The following GSE1 variants were observed in gnomAD, a reference collection of about 807,000 sequenced individuals.
GSE1 encodes Gse1 coiled-coil protein.
Under a neutral mutation model 112.6 loss-of-function variants are expected in GSE1, and 32 were observed. That is an observed-to-expected ratio of 0.28 (90% CI 0.21 to 0.38). The LOEUF (loss-of-function observed/expected upper bound fraction) is 0.38, where lower values mean the gene tolerates loss of function less well. Among genes scored for constraint, GSE1 ranks in the 10% least tolerant of loss-of-function variants. The pLI is 1.00. For missense variants in GSE1, 2,348 were observed against 1,699.2 expected (o/e 1.38, Z -6.71); for synonymous variants, 1,115 against 735.6 (o/e 1.52, Z -8.35).
intron 1 of GSE1, among the ~76,000 whole-genome samples, chr16:85,276,710 C>T (rs369755141): frequency 3.4e-4 from 51 of 152,168 alleles, no homozygotes; most frequent in African/African-American, 1.2e-3. Flanking sequence ...TCAGCGTGGG[C>T]CAGGGCAGGG....
intron 2 of GSE1, among the ~76,000 whole-genome samples, chr16:85,639,203 G>A (rs181325848): frequency 1.1e-3 from 164 of 152,308 alleles, no homozygotes; most frequent in Middle Eastern, 3.4e-3. Flanking sequence ...CCCCGGGGCC[G>A]CCCAGCCCTC....
chr16:85,648,453 A>C (rs1044007408), intron 2 of GSE1, 99 bp from the exon 3 acceptor site: 14 of 642,748 alleles, frequency 2.2e-5, no homozygotes, highest in African/African-American at 1.1e-4. Flanking sequence ...CTGGGGCCTC[A>C]CTTGGAGCAG....
At position 85,643,756 on chromosome 16, in the gene GSE1, C is replaced by T. The variant is rs151265273; in HGVS notation, c.227-4796C>T. On this transcript the variant is annotated intron_variant, in intron 2 of 15. Coordinates refer to ENST00000253458, the MANE Select transcript of GSE1 (RefSeq NM_014615.5). ...CTGGGGCTTGGCACGTGGTGGGGCT[C>T]GGAAGCTCCTGCTCCCAGCTCCCCA... 1.5e-3 allele frequency among the ~76,000 whole-genome samples: 233 copies of T among 152,222 alleles called. 1 individual carries two copies. The highest frequency in any genetic ancestry group is 6.8e-3 in the Middle Eastern group (2 of 294).
At chr16:85,602,084 G>A (rs1038285905) in intron 1 of GSE1, among the ~76,000 whole-genome samples, 6 of 152,208 alleles carry the variant, frequency 3.9e-5, no homozygotes, top group East Asian at 3.8e-4. Context: ...CAGCCCCACC[G>A]TCCAGGGAAG....
At chr16:85,357,705 G>A (rs2046978469) in intron 2 of GSE1, 1 of 1,122,542 alleles carries the variant, frequency 8.9e-7, no homozygotes, top group Non-Finnish European at 1.2e-6. Context: ...TCCCAGCAGG[G>A]ATGGGGGCTC....
chr16:85,207,513 C>T (rs1011895906), intron 1 of GSE1, among the ~76,000 whole-genome samples: 5 of 152,260 alleles, frequency 3.3e-5, no homozygotes, highest in African/African-American at 9.6e-5. Context: ...CTGGGGGTGA[C>T]TGAGGGTCAT....
chr16:85,665,403 G>C (rs1036702198), intron 12 of GSE1, among the ~76,000 whole-genome samples: 1 of 152,232 alleles, frequency 6.6e-6, no homozygotes, highest in Non-Finnish European at 1.5e-5. Context: ...TTGTCCTTCA[G>C]TTACGGCACA....
chr16:85,368,118 T>C (rs972103993), intron 2 of GSE1, among the ~76,000 whole-genome samples: 1 of 152,114 alleles, frequency 6.6e-6, no homozygotes, highest in Non-Finnish European at 1.5e-5. Flanking sequence ...CCTCCCAAAG[T>C]GCTGGGATTA....
intron 2 of GSE1, among the ~76,000 whole-genome samples, chr16:85,401,739 A>G (rs1358242676): frequency 6.6e-6 from 1 of 152,204 alleles, no homozygotes; most frequent in African/African-American, 2.4e-5. Context: ...GCAGCACTGC[A>G]CGCCGGTTAC....
chr16:85,226,256 T>G (rs937898005), intron 1 of GSE1, among the ~76,000 whole-genome samples: 3 of 152,344 alleles, frequency 2.0e-5, no homozygotes. Context: ...GTAACACTGC[T>G]TGGTTTCCCA....
intron 1 of GSE1, among the ~76,000 whole-genome samples, chr16:85,335,673 A>G (rs1380085084): frequency 6.6e-6 from 1 of 152,216 alleles, no homozygotes; most frequent in African/African-American, 2.4e-5. Context: ...GGCACCACCA[A>G]CAGTGACAGC....
chr16:85,634,307 C>G (rs574228254), intron 2 of GSE1, among the ~76,000 whole-genome samples, 175 bp downstream of exon 2: 4 of 152,238 alleles, frequency 2.6e-5, no homozygotes, highest in Non-Finnish European at 4.4e-5. Flanking sequence ...TCCGCCTGCC[C>G]CAGCACCTCC....
chr16:85,627,754 A>G (rs574106587), intron 1 of GSE1, among the ~76,000 whole-genome samples: 5 of 152,076 alleles, frequency 3.3e-5, no homozygotes, highest in Admixed American at 2.0e-4. Flanking sequence ...ATGAATTTAC[A>G]TGAGCTGATA....
At chr16:85,471,703 C>A (rs2050301174) in intron 2 of GSE1, among the ~76,000 whole-genome samples, 1 of 131,418 alleles carries the variant, frequency 7.6e-6, no homozygotes, top group South Asian at 2.7e-4. Context: ...CTGCACCCAG[C>A]CCATTTATTT....
chr16:85,320,785 A>G (rs544649394), intron 1 of GSE1, among the ~76,000 whole-genome samples: 2 of 152,144 alleles, frequency 1.3e-5, no homozygotes, highest in African/African-American at 4.8e-5. Context: ...TCCAGCCCCC[A>G]TGTCCTTTCT....
At chr16:85,314,036 TTG>T (rs1299938569) in intron 1 of GSE1, among the ~76,000 whole-genome samples, 5 of 150,600 alleles carry the variant, frequency 3.3e-5, no homozygotes, top group Non-Finnish European at 5.9e-5. Context: ...ACATAGCCAT[TTG>T]TGTGTGTGTC....
chr16:85,210,518 G>T (rs555160350), intron 1 of GSE1, among the ~76,000 whole-genome samples: 76 of 152,244 alleles, frequency 5.0e-4, no homozygotes, highest in African/African-American at 1.8e-3. Flanking sequence ...GAGCCAGGGA[G>T]GTCCAGGCTG....
intron 1 of GSE1, among the ~76,000 whole-genome samples, chr16:85,295,175 C>T (rs993405559): frequency 3.9e-5 from 6 of 152,224 alleles, no homozygotes; most frequent in Non-Finnish European, 7.3e-5. Context: ...ACTCACCCAG[C>T]GGTTACTCCA....
chr16:85,553,902 G>C (rs2045064043), upstream of GSE1, among the ~76,000 whole-genome samples: 1 of 152,208 alleles, frequency 6.6e-6, no homozygotes, highest in Non-Finnish European at 1.5e-5. Context: ...CTGCCGCTGG[G>C]GACCCCTGAT....
Sources: gnomAD v4.1 joint callset for allele counts (sites outside exome capture counted in the v4.1 genomes callset) on GRCh38, gnomAD v4.1.1 for gene constraint, MANE v1.5 for transcripts, NCBI Gene and HGNC (gene_info 2026-07-23, HGNC 2026-07-21) for gene names.